The following BTBD9 variants were observed in gnomAD, a reference collection of about 807,000 sequenced individuals.
BTBD9 encodes BTB domain containing 9.
BTBD9 carries 49 observed loss-of-function variants against 64.3 expected under a neutral mutation model. The observed-to-expected ratio is 0.76, with a 90% CI of 0.61 to 0.97. BTBD9 has a LOEUF of 0.97. BTBD9 is among the 50% of genes least tolerant of loss of function. The pLI is 0.00. For missense variants in BTBD9, 598 were observed against 762.1 expected, an observed-to-expected ratio of 0.78 and a Z score of 2.53; for synonymous variants, 260 against 274.7, an observed-to-expected ratio of 0.95 and a Z score of 0.53.
intron 9 of BTBD9, 28 bp from the exon 10 acceptor site, chr6:38,192,625 ATT>A (rs1255139424): frequency 6.3e-7 from 1 of 1,596,960 alleles, no homozygotes; most frequent in Non-Finnish European, 8.6e-7. Context: ...CATTTGCCTG[ATT>A]AGATGGTGCA....
chr6:38,581,147 G>A (rs1026225726), intron 4 of BTBD9, among the ~76,000 whole-genome samples: 8 of 152,128 alleles, frequency 5.3e-5, no homozygotes, highest in Non-Finnish European at 7.4e-5. Flanking sequence ...AGCTGAGATC[G>A]CGCCATTGCA....
In BTBD9 at chr6:38,170,127, C is replaced by G. The variant is rs1391868900; in HGVS notation, c.*4858G>C. ...CCAGATGAAGGGCACCTGGCCCCTTCCGCGAGGTTGGAGCATTATGCCAGG... is the reference window on the plus strand; with the variant it reads ...CCAGATGAAGGGCACCTGGCCCCTTGCGCGAGGTTGGAGCATTATGCCAGG... On this transcript the variant is annotated 3_prime_UTR_variant, in exon 11 of 11. Coordinates refer to ENST00000481247, the MANE Select transcript of BTBD9 (RefSeq NM_001099272.2). 6.6e-6 allele frequency: 1 copy of G among 152,224 alleles called. No homozygotes were observed. The highest frequency in any genetic ancestry group is 1.5e-5 in the Non-Finnish European group (1 of 68,060). 9.4% of individuals were successfully genotyped at this position (152,224 alleles called of 1,614,324 possible). A position where few individuals can be genotyped will look rare whatever the true frequency, so the allele number is the denominator to read the frequency against.
At chr6:38,342,489 T>C (rs938450883) in intron 7 of BTBD9, among the ~76,000 whole-genome samples, 2 of 149,730 alleles carry the variant, frequency 1.3e-5, no homozygotes, top group Admixed American at 1.3e-4. Flanking sequence ...TGAGGCAAGA[T>C]TGTGCCACTG....
intron 6 of BTBD9, among the ~76,000 whole-genome samples, chr6:38,476,145 G>C (rs1364549065): frequency 6.6e-6 from 1 of 152,224 alleles, no homozygotes; most frequent in Non-Finnish European, 1.5e-5. Context: ...TGAAGTAAAT[G>C]AAAGTAGTTT....
At chr6:38,415,319 G>T (rs1767618502) in intron 6 of BTBD9, among the ~76,000 whole-genome samples, 1 of 152,116 alleles carries the variant, frequency 6.6e-6, no homozygotes, top group Non-Finnish European at 1.5e-5. Flanking sequence ...AATCACAAAG[G>T]CCTTTAAAAG....
intron 1 of BTBD9, among the ~76,000 whole-genome samples, chr6:38,625,703 TAC>T (rs1778140796): frequency 6.6e-6 from 1 of 152,160 alleles, no homozygotes; most frequent in Non-Finnish European, 1.5e-5. Flanking sequence ...TATGACTTTT[TAC>T]AGATGAGAAA....
intron 9 of BTBD9, among the ~76,000 whole-genome samples, chr6:38,214,781 A>G (rs901825615): frequency 1.3e-5 from 2 of 152,144 alleles, no homozygotes; most frequent in African/African-American, 4.8e-5. Flanking sequence ...TAAGATATCA[A>G]GCAATGACTT....
chr6:38,586,423 G>GA (rs34199072), intron 4 of BTBD9, among the ~76,000 whole-genome samples: 56,843 of 150,092 alleles, frequency 0.38, 10,938 homozygotes, highest in African/African-American at 0.45. Flanking sequence ...TTTTAAGGGG[G>GA]AAAAAAAATC....
intron 6 of BTBD9, among the ~76,000 whole-genome samples, chr6:38,536,787 T>C (rs2748161): frequency 0.36 from 54,177 of 151,870 alleles, 10,276 homozygotes; most frequent in African/African-American, 0.5. Context: ...CTCGTGGAGA[T>C]AGAAAGTAGA....
intron 6 of BTBD9, among the ~76,000 whole-genome samples, chr6:38,486,561 G>A (rs1468166041): frequency 1.3e-5 from 2 of 152,174 alleles, no homozygotes; most frequent in Admixed American, 1.3e-4. Context: ...AGGGAGAGAT[G>A]GGGGAACAAC....
In BTBD9 at chr6:38,529,971, C is replaced by T. The variant is rs550948654; in HGVS notation, c.1154+47629G>A. On this transcript the variant is annotated intron_variant, in intron 6 of 10. Coordinates refer to ENST00000481247, the MANE Select transcript of BTBD9 (RefSeq NM_001099272.2). The stretch of plus-strand genomic sequence containing the variant: ...TTCTTGCAGAGAGCCTATAAACGGA[C>T]GTGTAAGTAGGGAAGAGATTACTAA... 2.4e-4 allele frequency among the ~76,000 whole-genome samples: 37 copies of T among 152,046 alleles called. 1 individual carries two copies. Among genetic ancestry groups the T allele is most frequent in the African/African-American group, 8.4e-4 (35 of 41,452 alleles).
At chr6:38,563,637 C>A (rs758121191) in intron 6 of BTBD9, among the ~76,000 whole-genome samples, 8 of 152,140 alleles carry the variant, frequency 5.3e-5, no homozygotes, top group Non-Finnish European at 8.8e-5. Context: ...CATTACCCAC[C>A]TTTCCTCCTC....
At chr6:38,430,295 C>A (rs1253332633) in intron 6 of BTBD9, among the ~76,000 whole-genome samples, 3 of 145,920 alleles carry the variant, frequency 2.1e-5, no homozygotes. Context: ...TCATAGCTCA[C>A]TGAAGCTTCG....
intron 6 of BTBD9, among the ~76,000 whole-genome samples, chr6:38,440,667 A>G (rs1288361206): frequency 6.6e-6 from 1 of 152,224 alleles, no homozygotes; most frequent in Non-Finnish European, 1.5e-5. Context: ...TTTAGTGTAT[A>G]TTATAGTAAC....
In BTBD9 at chr6:38,387,018, T is replaced by C. The variant is rs866470696; in HGVS notation, c.1155-41925A>G. Among the ~76,000 whole-genome samples, 6 of 152,300 alleles carry C rather than the reference T, an allele frequency of 3.9e-5. No homozygotes were observed. In the East Asian group the frequency reaches 7.7e-4, roughly 20 times the overall value. On this transcript the variant is annotated intron_variant, in intron 6 of 10. Coordinates refer to ENST00000481247, the MANE Select transcript of BTBD9 (RefSeq NM_001099272.2). ...GTCCCAATTCCCCATTTGGCCAAAATGTTTATTTGATGCATCTCTAAAGTG... is the reference window on the plus strand; with the variant it reads ...GTCCCAATTCCCCATTTGGCCAAAACGTTTATTTGATGCATCTCTAAAGTG...
At chr6:38,627,242 AG>A (rs1343262036) in intron 1 of BTBD9, among the ~76,000 whole-genome samples, 1 of 152,216 alleles carries the variant, frequency 6.6e-6, no homozygotes, top group Non-Finnish European at 1.5e-5. Context: ...AAGCCAGATT[AG>A]GGGTGTCTTA....
rs1384155514 is a variant in BTBD9, at chr6:38,302,485, G to GTATGTGTGTGTGTGTA, written c.1265-14025_1265-14024insTACACACACACACATA. Among the ~76,000 whole-genome samples the GTATGTGTGTGTGTGTA allele has an allele frequency of 1.3e-3, 141 of 106,890 alleles. 3 individuals are homozygous for GTATGTGTGTGTGTGTA. The highest frequency in any genetic ancestry group is 4.8e-3 in the African/African-American group (136 of 28,230). The allele number at this position is 106,890 out of a possible 152,430, so 70.1% of individuals were successfully genotyped here. A position where few individuals can be genotyped will look rare whatever the true frequency, so the allele number is the denominator to read the frequency against. On this transcript the variant is annotated intron_variant, in intron 7 of 10. Coordinates refer to ENST00000481247, the MANE Select transcript of BTBD9 (RefSeq NM_001099272.2). ...CTGAATAATATTCCATTGTGTGTAT[G>GTATGTGTGTGTGTGTA]TATATATATATATATATATATATAT...
At chr6:38,482,411 C>CTTTTTTTTTTT in intron 6 of BTBD9, 1 of 139,568 alleles carries the variant, frequency 7.2e-6, no homozygotes, top group African/African-American at 2.6e-5. Flanking sequence ...CTTTCTCTTT[C>CTTTTTTTTTTT]TTTTTTTTTT....
At chr6:38,270,313 A>G (rs1027603178) in intron 8 of BTBD9, among the ~76,000 whole-genome samples, 1 of 151,986 alleles carries the variant, frequency 6.6e-6, no homozygotes, top group Non-Finnish European at 1.5e-5. Context: ...CAGCCATCCA[A>G]TGCACATGCA....
Sources: gnomAD v4.1 joint callset for allele counts (sites outside exome capture counted in the v4.1 genomes callset) on GRCh38, gnomAD v4.1.1 for gene constraint, MANE v1.5 for transcripts, NCBI Gene and HGNC (gene_info 2026-07-23, HGNC 2026-07-21) for gene names.